PDE11A: variants seen among roughly 807,000 people sequenced by gnomAD.
PDE11A encodes the protein dual 3',5'-cyclic-AMP and -GMP phosphodiesterase 11A.
A neutral mutation model predicts 100.5 loss-of-function variants in PDE11A; 100 were observed. The observed-to-expected ratio is 1.00, with a 90% CI of 0.85 to 1.18. The LOEUF (loss-of-function observed/expected upper bound fraction) is 1.18. Among genes scored for constraint, PDE11A ranks in the 50% most tolerant of loss-of-function variants. The pLI is 0.00. For synonymous variants in PDE11A, 381 were observed against 420.8 expected, an observed-to-expected ratio of 0.91 and a Z score of 1.16; for missense variants, 1,141 against 1,152.6, an observed-to-expected ratio of 0.99 and a Z score of 0.15.
chr2:177,895,421 G>A (rs2084595981), intron 4 of PDE11A, among the ~76,000 whole-genome samples: 1 of 152,042 alleles, frequency 6.6e-6, no homozygotes, highest in Admixed American at 6.5e-5. Flanking sequence ...GGGTATCGTG[G>A]TGGGTGCCTG....
At chr2:177,819,067 C>A (rs149017740) in intron 7 of PDE11A, among the ~76,000 whole-genome samples, 1 of 151,980 alleles carries the variant, frequency 6.6e-6, no homozygotes, top group Admixed American at 6.6e-5. Flanking sequence ...TGTAGGACTA[C>A]GAGATTGCCA....
At chr2:177,653,049 T>C (rs906390576) in intron 19 of PDE11A, among the ~76,000 whole-genome samples, 1 of 152,176 alleles carries the variant, frequency 6.6e-6, no homozygotes, top group Non-Finnish European at 1.5e-5. Flanking sequence ...GATTGTCAAA[T>C]GGTGGCTCCA....
intron 5 of PDE11A, among the ~76,000 whole-genome samples, chr2:177,845,157 CG>C (rs2083563094): frequency 6.7e-6 from 1 of 148,996 alleles, no homozygotes; most frequent in Non-Finnish European, 1.5e-5. Context: ...GGCGGCTGGC[CG>C]GGCGGGGGGC....
chr2:177,908,606 T>G (rs1324121652), intron 2 of PDE11A, among the ~76,000 whole-genome samples: 2 of 152,142 alleles, frequency 1.3e-5, no homozygotes, highest in Non-Finnish European at 2.9e-5. Flanking sequence ...ACAGAACTGC[T>G]CACAGATAGG....
At chr2:177,971,850 A>T (rs2085774582) in intron 2 of PDE11A, among the ~76,000 whole-genome samples, 1 of 151,974 alleles carries the variant, frequency 6.6e-6, no homozygotes, top group Non-Finnish European at 1.5e-5. Flanking sequence ...GAAAATAGCA[A>T]CCTCTAAGTA....
At chr2:177,649,460 G>C (rs984978905) in intron 19 of PDE11A, among the ~76,000 whole-genome samples, 1 of 152,060 alleles carries the variant, frequency 6.6e-6, no homozygotes, top group Non-Finnish European at 1.5e-5. Flanking sequence ...GACATCTTCT[G>C]CATGGAGACT....
At chr2:177,635,055 C>A (rs1231153519) in intron 19 of PDE11A, among the ~76,000 whole-genome samples, 1 of 152,194 alleles carries the variant, frequency 6.6e-6, no homozygotes, top group Non-Finnish European at 1.5e-5. Flanking sequence ...ATCCCTGCTG[C>A]GTGACCACAC....
At chr2:177,648,527 G>T (rs2080257922) in intron 19 of PDE11A, among the ~76,000 whole-genome samples, 1 of 152,028 alleles carries the variant, frequency 6.6e-6, no homozygotes, top group African/African-American at 2.4e-5. Flanking sequence ...TAAATAAGCA[G>T]CCAGTAAAAA....
intron 2 of PDE11A, 55 bp from the exon 3 acceptor site, chr2:177,905,242 T>C (rs1343521915): frequency 4.2e-6 from 4 of 944,586 alleles, no homozygotes; most frequent in African/African-American, 1.6e-5. Flanking sequence ...GATACATCCC[T>C]TGTAGACTAA....
intron 5 of PDE11A, among the ~76,000 whole-genome samples, chr2:177,870,433 G>T (rs2084110896): frequency 1.3e-5 from 2 of 152,160 alleles, no homozygotes; most frequent in African/African-American, 4.8e-5. Flanking sequence ...AACACAAACA[G>T]CTCTGACCAA....
chr2:177,851,306 T>C (rs920249412), intron 5 of PDE11A, among the ~76,000 whole-genome samples: 3 of 151,958 alleles, frequency 2.0e-5, no homozygotes, highest in Non-Finnish European at 4.4e-5. Flanking sequence ...AAACACCGCA[T>C]GTTCTCGCTC....
chr2:177,851,813 A>G (rs1558972591), intron 5 of PDE11A, among the ~76,000 whole-genome samples: 3 of 152,072 alleles, frequency 2.0e-5, no homozygotes, highest in Non-Finnish European at 4.4e-5. Flanking sequence ...AACATGCGTC[A>G]TGGGGGTTTG....
At chr2:177,887,789 C>T (rs2084463018) in intron 4 of PDE11A, among the ~76,000 whole-genome samples, 1 of 152,140 alleles carries the variant, frequency 6.6e-6, no homozygotes, top group Non-Finnish European at 1.5e-5. Context: ...GGATTTTGCT[C>T]CCTGAGAGAA....
Position 177,830,460 on chromosome 2 carries a change from C to T in PDE11A, c.1500+9791G>A, listed in dbSNP as rs573546461. Among the ~76,000 whole-genome samples, 14 of 151,902 alleles carry T rather than the reference C, an allele frequency of 9.2e-5. No individual in the cohort carries two copies. In the South Asian group the frequency reaches 1.7e-3, roughly 18 times the overall value. Reference sequence around the variant, plus strand: ...GCTAAAAATACGAAAAATTAGCCAGCCATGGTGGTGTGCACCTGTAATCCC... The same window carrying T: ...GCTAAAAATACGAAAAATTAGCCAGTCATGGTGGTGTGCACCTGTAATCCC... On this transcript the variant is annotated intron_variant, in intron 6 of 19. Transcript: ENST00000286063.
Position 177,825,560 on chromosome 2 carries a change from A to G in PDE11A, c.1501-5265T>C, listed in dbSNP as rs994398951. ...GTAACCATATGAAAAGGCAAGGCCCAGGAGTCCATTTTATCCTCTGCAGGG... is the reference window on the plus strand; with the variant it reads ...GTAACCATATGAAAAGGCAAGGCCCGGGAGTCCATTTTATCCTCTGCAGGG... On this transcript the variant is annotated intron_variant, in intron 6 of 19. Transcript: ENST00000286063. Among the ~76,000 whole-genome samples, 11 of 152,370 alleles carry G rather than the reference A, an allele frequency of 7.2e-5. No homozygotes were observed. The East Asian group carries it at 1.9e-3, about 27-fold the overall frequency.
intron 9 of PDE11A, among the ~76,000 whole-genome samples, chr2:177,815,521 A>T (rs186933531): frequency 3.9e-5 from 6 of 152,244 alleles, no homozygotes; most frequent in Non-Finnish European, 7.4e-5. Flanking sequence ...CAGAAGAGCA[A>T]AAAGCATCCC....
chr2:177,944,736 G>A (rs1400780052), intron 2 of PDE11A, among the ~76,000 whole-genome samples: 3 of 151,976 alleles, frequency 2.0e-5, no homozygotes, highest in African/African-American at 7.2e-5. Context: ...CGGGCTGTGA[G>A]AGAGGGAGCG....
chr2:177,991,622 G>A (rs1235566631), intron 2 of PDE11A, among the ~76,000 whole-genome samples: 5 of 150,984 alleles, frequency 3.3e-5, no homozygotes, highest in Admixed American at 6.6e-5. Flanking sequence ...GCAACAGAGT[G>A]AGACTCCATT....
chr2:178,083,630 C>T (rs1207769838), intron 2 of PDE11A, among the ~76,000 whole-genome samples: 1 of 152,176 alleles, frequency 6.6e-6, no homozygotes, highest in Non-Finnish European at 1.5e-5. Flanking sequence ...TTACCTTTTC[C>T]TGCTAAAGTA....
Sources: allele counts gnomAD v4.1 joint callset (sites outside exome capture counted in the v4.1 genomes callset), GRCh38; gene constraint gnomAD v4.1.1; transcripts MANE v1.5; gene names NCBI Gene and HGNC (gene_info 2026-07-23, HGNC 2026-07-21).